The following TNPO3 variants were observed in gnomAD, a reference collection of about 807,000 sequenced individuals.
TNPO3 encodes transportin 3, also known as transportin-3.
TNPO3 carries 65 observed loss-of-function variants against 122.8 expected under a neutral mutation model. The ratio of observed to expected loss-of-function variants is 0.53; its 90% CI spans 0.43 to 0.65. TNPO3 has a LOEUF of 0.65. Among genes scored for constraint, TNPO3 ranks in the 30% least tolerant of loss-of-function variants. TNPO3 has a pLI of 0.00. For missense variants in TNPO3, 850 were observed against 1,136.7 expected, an observed-to-expected ratio of 0.75 and a Z score of 3.63; for synonymous variants, 372 against 411.2, an observed-to-expected ratio of 0.90 and a Z score of 1.15.
chr7:129,024,033 T>C (rs1417255564), intron 1 of TNPO3, among the ~76,000 whole-genome samples: 1 of 152,220 alleles, frequency 6.6e-6, no homozygotes, highest in Non-Finnish European at 1.5e-5. Flanking sequence ...CACTGAAAGG[T>C]AGAATCTACA....
intron 1 of TNPO3, among the ~76,000 whole-genome samples, chr7:129,019,931 G>C (rs1188043905): frequency 6.6e-6 from 1 of 151,966 alleles, no homozygotes; most frequent in Non-Finnish European, 1.5e-5. Flanking sequence ...AGGAGGCAGA[G>C]GTTGCAGTGA....
At position 129,035,013 on chromosome 7, in the gene TNPO3, G is replaced by A. The variant is rs572315889; in HGVS notation, c.121-16856C>T. Reference sequence around the variant, plus strand: ...ATATCGGCCGGGCGCGGTGGCTCACGCCTGTAATCCCAGCACTTTGGGAGG... The same window carrying A: ...ATATCGGCCGGGCGCGGTGGCTCACACCTGTAATCCCAGCACTTTGGGAGG... On this transcript the variant is annotated intron_variant, in intron 1 of 22. Coordinates refer to ENST00000265388, the MANE Select transcript of TNPO3 (RefSeq NM_012470.4). 3.0e-3 allele frequency among the ~76,000 whole-genome samples: 460 copies of A among 151,814 alleles called. 3 individuals carry two copies. The highest frequency in any genetic ancestry group is 5.5e-3 in the Non-Finnish European group (372 of 67,904).
intron 1 of TNPO3, among the ~76,000 whole-genome samples, chr7:129,050,215 C>G (rs1019665222): frequency 6.6e-6 from 1 of 151,588 alleles, no homozygotes; most frequent in Non-Finnish European, 1.5e-5. Context: ...AACCTTGTCT[C>G]TACTAAAAAA....
chr7:128,955,276 C>T lies in TNPO3; in HGVS notation c.*141G>A, dbSNP rs1284968771. On this transcript the variant is annotated 3_prime_UTR_variant, in exon 23 of 23. Transcript: ENST00000265388. ...AAGGCTGGAGTCTCTCCCTGTCTGG[C>T]GGGACACCCTGGTGGCGGTGAAGGC... The T allele has an allele frequency of 1.1e-5, 5 of 454,432 alleles. No homozygotes were observed. The highest frequency in any genetic ancestry group is 7.0e-5 in the East Asian group (1 of 14,344). 28.1% of individuals were successfully genotyped at this position (454,432 alleles called of 1,614,324 possible). A position where few individuals can be genotyped will look rare whatever the true frequency, so the allele number is the denominator to read the frequency against.
intron 1 of TNPO3, among the ~76,000 whole-genome samples, chr7:129,035,291 T>C (rs1454173940): frequency 6.6e-6 from 1 of 151,456 alleles, no homozygotes; most frequent in Non-Finnish European, 1.5e-5. Flanking sequence ...CAACAACATA[T>C]CAAGCATCTA....
chr7:128,993,399 G>A (rs1380809291), intron 9 of TNPO3, among the ~76,000 whole-genome samples: 1 of 152,158 alleles, frequency 6.6e-6, no homozygotes, highest in East Asian at 1.9e-4. Context: ...CATAAGTGTG[G>A]ACAAAGATAA....
At chr7:129,002,335 G>C (rs965510082) in intron 5 of TNPO3, among the ~76,000 whole-genome samples, 2 of 152,178 alleles carry the variant, frequency 1.3e-5, no homozygotes, top group African/African-American at 4.8e-5. Context: ...AAGATGACAG[G>C]GAGTAGATCT....
upstream of TNPO3, chr7:129,055,565 T>C (rs1041501638): frequency 1.2e-5 from 2 of 161,542 alleles, no homozygotes; most frequent in African/African-American, 4.8e-5. Flanking sequence ...ATGTGCCACA[T>C]TGAGATAAAT....
chr7:129,031,305 A>C (rs1805919557), intron 1 of TNPO3, among the ~76,000 whole-genome samples: 1 of 151,960 alleles, frequency 6.6e-6, no homozygotes, highest in Admixed American at 6.6e-5. Context: ...ATGTCAAAAA[A>C]GAAAGAAAGA....
chr7:129,027,593 A>AAC (rs1805396065), intron 1 of TNPO3, among the ~76,000 whole-genome samples: 18 of 59,406 alleles, frequency 3.0e-4, no homozygotes, highest in Admixed American at 5.3e-4. Flanking sequence ...AAAAAAAAAC[A>AAC]ACACAAAAAA....
At chr7:129,021,160 A>G (rs1804456847) in intron 1 of TNPO3, among the ~76,000 whole-genome samples, 1 of 152,150 alleles carries the variant, frequency 6.6e-6, no homozygotes, top group Non-Finnish European at 1.5e-5. Flanking sequence ...GTTCAAGACC[A>G]GTCGGGCCAA....
At chr7:128,955,581 T>C (rs1796818751) in intron 22 of TNPO3, among the ~76,000 whole-genome samples, 196 bp from the exon 23 acceptor site, 1 of 152,214 alleles carries the variant, frequency 6.6e-6, no homozygotes, top group Non-Finnish European at 1.5e-5. Flanking sequence ...ACTGCTTTAA[T>C]GAGACACCGT....
intron 20 of TNPO3, among the ~76,000 whole-genome samples, chr7:128,969,945 T>C (rs1798293490): frequency 6.6e-6 from 1 of 152,208 alleles, no homozygotes; most frequent in South Asian, 2.1e-4. Flanking sequence ...GACAGTGACA[T>C]AGAAACATGC....
intron 1 of TNPO3, among the ~76,000 whole-genome samples, chr7:129,042,650 T>C (rs76554822): frequency 6.6e-6 from 1 of 152,166 alleles, no homozygotes; most frequent in Non-Finnish European, 1.5e-5. Flanking sequence ...AAATTACTTC[T>C]TGATAATTTT....
chr7:129,054,900 T>G lies in TNPO3; in HGVS notation c.-130A>C. 7.8e-7 allele frequency: 1 copy of G among 1,276,388 alleles called. No individual in the cohort carries two copies. The highest frequency in any genetic ancestry group is 1.1e-6 in the Non-Finnish European group (1 of 916,312). 79.1% of individuals were successfully genotyped at this position (1,276,388 alleles called of 1,614,324 possible). ...CTGACTGGCGCCATCTCCTCCTCTT[T>G]GGCCGTTACCAGGGCAGAAGGCTCT... On this transcript the variant is annotated 5_prime_UTR_variant, in exon 1 of 23. Transcript: ENST00000265388.
Position 129,018,085 on chromosome 7 carries a change from G to A in TNPO3, c.193C>T (p.Gln65Ter). Residue 65 changes from glutamine to a stop codon, truncating the protein, a stop_gained, in exon 2 of 23, where the codon CAG becomes TAG. Transcript: ENST00000265388. LOFTEE classifies it high-confidence loss of function. ...GTCTGAATCTTCATTTTCATGGTCT[G>A]TGCAGCAAAATAGCATGACTCCACA... ...QDVESCYFAA[Q>*]TMKMKIQTSF... is the part of the protein sequence containing the mutation. 6.2e-7 allele frequency: 1 copy of A among 1,614,160 alleles called. No individual in the cohort carries two copies. The highest frequency in any genetic ancestry group is 8.5e-7 in the Non-Finnish European group (1 of 1,180,020).
chr7:128,962,088 A>G (rs4731533), intron 21 of TNPO3, among the ~76,000 whole-genome samples: 87,647 of 151,744 alleles, frequency 0.58, 25,580 homozygotes, highest in South Asian at 0.62. Context: ...GGAATTGGCC[A>G]GGCGCGGTGG....
chr7:129,049,391 G>A (rs1016135344), intron 1 of TNPO3, among the ~76,000 whole-genome samples: 28 of 152,188 alleles, frequency 1.8e-4, no homozygotes, highest in African/African-American at 6.5e-4. Context: ...CAACCATGCT[G>A]AAGTCTGACC....
In TNPO3 at chr7:129,005,120, G is replaced by A. The variant is rs1289436449; in HGVS notation, c.592C>T (p.Leu198Phe). 6.2e-6 allele frequency: 10 copies of A among 1,613,896 alleles called. No homozygotes were observed. The highest frequency in any genetic ancestry group is 7.6e-6 in the Non-Finnish European group (9 of 1,179,928). ...VEKAGTDEKM[L>F]MKVFRCLGSW... ...CCCAAACAGCGAAAAACCTTCATAA[G>A]CATTTTCTCATCTGTTCCTGCTTTT... Residue 198 changes from leucine (L) to phenylalanine (F), a missense_variant, in exon 5 of 23, where the codon CTT becomes TTT. Transcript: ENST00000265388.
Sources: allele counts gnomAD v4.1 joint callset (sites outside exome capture counted in the v4.1 genomes callset), GRCh38; gene constraint gnomAD v4.1.1; transcripts MANE v1.5; gene names NCBI Gene and HGNC (gene_info 2026-07-23, HGNC 2026-07-21).